The following GABRG3 variants were observed in gnomAD, a reference collection of about 807,000 sequenced individuals.
GABRG3 encodes gamma-aminobutyric acid type A receptor subunit gamma3.
Under a neutral mutation model 48.8 loss-of-function variants are expected in GABRG3, and 25 were observed. The ratio of observed to expected loss-of-function variants is 0.51; its 90% CI spans 0.37 to 0.72. GABRG3 has a LOEUF of 0.72. Among genes scored for constraint, GABRG3 ranks in the 30% least tolerant of loss-of-function variants. The probability of loss-of-function intolerance (pLI) is 0.00; values close to 1 mark genes in which losing one functional copy is unlikely to be tolerated. For missense variants in GABRG3, 394 were observed against 577.9 expected (o/e 0.68, Z 3.26); for synonymous variants, 227 against 217.6 (o/e 1.04, Z -0.38).
chr15:27,395,274 A>C (rs1201440178), intron 5 of GABRG3, among the ~76,000 whole-genome samples: 3 of 152,096 alleles, frequency 2.0e-5, no homozygotes. Context: ...TTCATTTGCT[A>C]TATTATACTT....
Position 27,407,079 on chromosome 15 carries a change from G to A in GABRG3, c.575-73571G>A, listed in dbSNP as rs753121115. Among the ~76,000 whole-genome samples the A allele has an allele frequency of 1.8e-4, 27 of 151,922 alleles. 1 individual carries two copies. The highest frequency in any genetic ancestry group is 4.2e-4 in the South Asian group (2 of 4,802). ...AGTAGCTGCGATTAGGGGCACGTGCGACCACGGCCGGCTAATTTTGTAGTT... is the reference window on the plus strand; with the variant it reads ...AGTAGCTGCGATTAGGGGCACGTGCAACCACGGCCGGCTAATTTTGTAGTT... On this transcript the variant is annotated intron_variant, in intron 5 of 9. Transcript: ENST00000615808.
At chr15:26,971,731 C>T in intron 1 of GABRG3, 143 bp downstream of exon 1, 1 of 871,554 alleles carries the variant, frequency 1.1e-6, no homozygotes, top group South Asian at 2.2e-5. Flanking sequence ...GGAAGTCGGT[C>T]TGCACCTCAC....
intron 3 of GABRG3, among the ~76,000 whole-genome samples, chr15:27,269,328 C>G (rs1056616669): frequency 1.3e-5 from 2 of 152,220 alleles, no homozygotes; most frequent in Non-Finnish European, 2.9e-5. Flanking sequence ...CTTAGGCCCC[C>G]TGGACCTGCC....
At chr15:27,243,268 G>A (rs772174632) in intron 3 of GABRG3, among the ~76,000 whole-genome samples, 6 of 152,116 alleles carry the variant, frequency 3.9e-5, no homozygotes, top group African/African-American at 1.2e-4. Flanking sequence ...TGTTACCATC[G>A]TGAACGCTGT....
chr15:27,534,660 A>C lies in GABRG3; in HGVS notation c.*1779A>C, dbSNP rs1177132597. 1 of 152,252 alleles carries C rather than the reference A, an allele frequency of 6.6e-6. No individual in the cohort carries two copies. The highest frequency in any genetic ancestry group is 2.4e-5 in the African/African-American group (1 of 41,474). The allele number at this position is 152,252 out of a possible 1,614,324, so 9.4% of individuals were successfully genotyped here. On this transcript the variant is annotated 3_prime_UTR_variant, in exon 10 of 10. Coordinates refer to ENST00000615808, the MANE Select transcript of GABRG3 (RefSeq NM_033223.5). ...GCAGAGAAAGTATAGAAAAGTATCAATTTCACACAATGTCCTGGATGTATA... is the reference window on the plus strand; with the variant it reads ...GCAGAGAAAGTATAGAAAAGTATCACTTTCACACAATGTCCTGGATGTATA...
rs552845690 is a variant in GABRG3, at chr15:26,978,321, C to A, written c.202+1171C>A. Among the ~76,000 whole-genome samples, 44 of 151,908 alleles carry A rather than the reference C, an allele frequency of 2.9e-4. No homozygotes were observed. The South Asian group carries it at 8.9e-3, about 31-fold the overall frequency. On this transcript the variant is annotated intron_variant, in intron 2 of 9. Coordinates refer to ENST00000615808, the MANE Select transcript of GABRG3 (RefSeq NM_033223.5). ...AGCATCTTTCACAGAGGAAAAGTTTCTAATATTGATGAAATCCAATTTATT... is the reference window on the plus strand; with the variant it reads ...AGCATCTTTCACAGAGGAAAAGTTTATAATATTGATGAAATCCAATTTATT...
At position 27,319,605 on chromosome 15, in the gene GABRG3, C is replaced by T. The variant is rs568957682; in HGVS notation, c.271-7204C>T. 3.5e-4 allele frequency among the ~76,000 whole-genome samples: 54 copies of T among 152,156 alleles called. No homozygotes were observed. The highest frequency in any genetic ancestry group is 1.3e-3 in the African/African-American group (52 of 41,516). ...GCCAATGCCACGGGAAGATGGCAGA[C>T]AGGAGGATGGAGAGGACTGGACGAG... On this transcript the variant is annotated intron_variant, in intron 3 of 9. Coordinates refer to ENST00000615808, the MANE Select transcript of GABRG3 (RefSeq NM_033223.5). This position sits in a 1 kb window ranked among gnomAD's most constrained non-coding sequence, Gnocchi z 4.4.
chr15:27,392,502 C>G (rs1887164786), intron 5 of GABRG3, among the ~76,000 whole-genome samples: 1 of 152,198 alleles, frequency 6.6e-6, no homozygotes. Context: ...ATCATACTAT[C>G]AATGCAACTT....
chr15:27,488,711 A>G (rs995811080), intron 6 of GABRG3, among the ~76,000 whole-genome samples: 1 of 152,194 alleles, frequency 6.6e-6, no homozygotes, highest in African/African-American at 2.4e-5. Context: ...AGTCTAAAGG[A>G]TAAATATATC....
intron 2 of GABRG3, among the ~76,000 whole-genome samples, chr15:27,003,507 C>G (rs547649051): frequency 6.6e-6 from 1 of 152,054 alleles, no homozygotes. Flanking sequence ...TGAGTGGACA[C>G]AGCACATGTT....
chr15:27,271,622 G>A (rs1891093741), intron 3 of GABRG3: 1 of 455,740 alleles, frequency 2.2e-6, no homozygotes, highest in African/African-American at 2.0e-5. Context: ...AAACATGGCA[G>A]GAAAATAAGC....
intron 3 of GABRG3, among the ~76,000 whole-genome samples, chr15:27,058,625 A>C (rs1341600438): frequency 6.7e-6 from 1 of 149,140 alleles, no homozygotes; most frequent in African/African-American, 2.5e-5. Context: ...CTGTGAAAGT[A>C]CTTTTTTTTT....
At chr15:26,977,444 T>A (rs1894972447) in intron 2 of GABRG3, among the ~76,000 whole-genome samples, 1 of 152,212 alleles carries the variant, frequency 6.6e-6, no homozygotes, top group Admixed American at 6.5e-5. Flanking sequence ...CACCTCTTGC[T>A]ATCCCTTTAC....
chr15:27,180,101 C>T lies in GABRG3; in HGVS notation c.271-146708C>T, dbSNP rs1046048625. Among the ~76,000 whole-genome samples, 2 of 152,140 alleles carry T rather than the reference C, an allele frequency of 1.3e-5. No homozygotes were observed. The highest frequency in any genetic ancestry group is 4.8e-5 in the African/African-American group (2 of 41,420). ...GCCTTCCCCAGGAGACTGTGGGGCT[C>T]GTTGCACTTGTTTTACCAATCACAG... On this transcript the variant is annotated intron_variant, in intron 3 of 9. Transcript: ENST00000615808. The surrounding 1 kb of genome is among the most constrained non-coding windows in gnomAD (Gnocchi z 4.2).
chr15:27,000,081 C>A (rs1239979654), intron 2 of GABRG3, among the ~76,000 whole-genome samples: 1 of 152,092 alleles, frequency 6.6e-6, no homozygotes, highest in Non-Finnish European at 1.5e-5. Context: ...ATATTTGCTT[C>A]ATGTCTGTTT....
intron 3 of GABRG3, among the ~76,000 whole-genome samples, chr15:27,152,610 A>G (rs1020410531): frequency 6.6e-6 from 1 of 152,216 alleles, no homozygotes; most frequent in East Asian, 1.9e-4. Context: ...TGTTGAAGTC[A>G]TAAAAACCAT....
chr15:27,223,347 G>A (rs1433245560), intron 3 of GABRG3, among the ~76,000 whole-genome samples: 1 of 152,178 alleles, frequency 6.6e-6, no homozygotes, highest in Non-Finnish European at 1.5e-5. Flanking sequence ...GACAAGTATT[G>A]CCAGGGAGGA....
chr15:26,985,385 T>C (rs1895132492), intron 2 of GABRG3, among the ~76,000 whole-genome samples: 1 of 152,246 alleles, frequency 6.6e-6, no homozygotes. Context: ...GACTGTAGAG[T>C]GGGGCTGTGT....
chr15:27,172,437 C>T (rs1887603851), intron 3 of GABRG3, among the ~76,000 whole-genome samples: 1 of 152,140 alleles, frequency 6.6e-6, no homozygotes, highest in Admixed American at 6.5e-5. Flanking sequence ...CCCGCCACCA[C>T]CCTTTCTTTC....
Sources: allele counts gnomAD v4.1 joint callset (sites outside exome capture counted in the v4.1 genomes callset), GRCh38; gene constraint gnomAD v4.1.1; non-coding constraint Gnocchi (gnomAD v3.1); transcripts MANE v1.5; gene names NCBI Gene and HGNC (gene_info 2026-07-23, HGNC 2026-07-21).